Variants in FAM168A observed in about 807,000 individuals in gnomAD.
The protein encoded by FAM168A is family with sequence similarity 168 member A, also known as protein FAM168A.
A neutral mutation model predicts 28.5 loss-of-function variants in FAM168A; 3 were observed. The ratio of observed to expected loss-of-function variants is 0.11; its 90% CI spans 0.05 to 0.27. The LOEUF is 0.27. Among genes scored for constraint, FAM168A ranks in the 10% least tolerant of loss-of-function variants. The pLI, the probability that FAM168A is intolerant of heterozygous loss-of-function variation, is 1.00. For synonymous variants in FAM168A, 122 were observed against 124.2 expected, an observed-to-expected ratio of 0.98 and a Z score of 0.12; for missense variants, 222 against 311.5, an observed-to-expected ratio of 0.71 and a Z score of 2.16.
At chr11:73,481,275 A>T (rs1169884607) in intron 1 of FAM168A, among the ~76,000 whole-genome samples, 1 of 152,098 alleles carries the variant, frequency 6.6e-6, no homozygotes, top group East Asian at 1.9e-4. Context: ...TTTCTCTGGG[A>T]TGTTTCTGTA....
Position 73,575,867 on chromosome 11 carries a change from C to CA in FAM168A, c.-19+22055dup, listed in dbSNP as rs11292947. On this transcript the variant is annotated intron_variant, in intron 1 of 7. Transcript: ENST00000356467. ...CTGAGCAACAAGAGTCAAACTATGT[C>CA]AAAAAAAAAAAAATTAGACATAATG... is the stretch of plus-strand genomic sequence containing the variant. Among the ~76,000 whole-genome samples the CA allele has an allele frequency of 1.7e-3, 245 of 141,808 alleles. 1 individual carries two copies. Among genetic ancestry groups the CA allele is most frequent in the East Asian group, 4.5e-3 (22 of 4,898 alleles). The allele number at this position is 141,808 out of a possible 152,430, so 93.0% of individuals were successfully genotyped here. A position where few individuals can be genotyped will look rare whatever the true frequency, so the allele number is the denominator to read the frequency against.
rs1424282139 is a variant in FAM168A at position 73,430,372 on chromosome 11, A to C, written c.151+318T>G. 6 of 323,714 alleles carry C rather than the reference A, an allele frequency of 1.9e-5. No homozygotes were observed. In the East Asian group the frequency reaches 5.4e-4, roughly 29 times the overall value. 20.1% of individuals were successfully genotyped at this position (323,714 alleles called of 1,614,324 possible). Reference sequence around the variant, plus strand: ...TGTCCCAATGGCAGCCTCAGGGAAAACTGAGCAAAGAATGAATTTGGACAT... The same window carrying C: ...TGTCCCAATGGCAGCCTCAGGGAAACCTGAGCAAAGAATGAATTTGGACAT... On this transcript the variant is annotated intron_variant, in intron 3 of 7. Coordinates refer to ENST00000356467, the MANE Select transcript of FAM168A (RefSeq NM_015159.3).
intron 1 of FAM168A, among the ~76,000 whole-genome samples, chr11:73,495,459 G>A (rs1854852843): frequency 6.6e-6 from 1 of 152,192 alleles, no homozygotes. Flanking sequence ...CATCACCACT[G>A]CTGGCCCACT....
At chr11:73,419,222 A>G (rs541779037) in intron 4 of FAM168A, among the ~76,000 whole-genome samples, 1 of 152,314 alleles carries the variant, frequency 6.6e-6, no homozygotes, top group East Asian at 1.9e-4. Context: ...CTCAGGATGA[A>G]TATGACCAGT....
At chr11:73,410,608 C>G (rs1866591782) in intron 5 of FAM168A, 1 of 151,840 alleles carries the variant, frequency 6.6e-6, no homozygotes, top group African/African-American at 2.4e-5. Context: ...AAACAGGAGC[C>G]CCTGAGATCA....
At chr11:73,418,984 G>A (rs1866744106) in intron 4 of FAM168A, among the ~76,000 whole-genome samples, 1 of 151,884 alleles carries the variant, frequency 6.6e-6, no homozygotes, top group Non-Finnish European at 1.5e-5. Flanking sequence ...AATTTTTTTT[G>A]TATTTTTAGT....
intron 1 of FAM168A, among the ~76,000 whole-genome samples, chr11:73,481,998 A>C (rs1228469041): frequency 1.3e-5 from 2 of 152,138 alleles, no homozygotes; most frequent in Non-Finnish European, 1.5e-5. Context: ...TCTGGAGGAC[A>C]CAGCATTCAA....
Position 73,401,601 on chromosome 11 carries a change from C to T in FAM168A, c.*5162G>A, listed in dbSNP as rs1866412695. On this transcript the variant is annotated 3_prime_UTR_variant, in exon 8 of 8. Transcript: ENST00000356467. Reference sequence around the variant, plus strand: ...TTGCAAAGCTGTTACATCTGTTCTCCTTAGGAAGGAAAATCCCCCTGCTAT... The same window carrying T: ...TTGCAAAGCTGTTACATCTGTTCTCTTTAGGAAGGAAAATCCCCCTGCTAT... 1 of 152,228 alleles carries T rather than the reference C, an allele frequency of 6.6e-6. No individual in the cohort carries two copies. Among genetic ancestry groups the T allele is most frequent in the Admixed American group, 6.5e-5 (1 of 15,276 alleles). 9.4% of individuals were successfully genotyped at this position (152,228 alleles called of 1,614,324 possible).
chr11:73,584,929 C>G (rs920355315), intron 1 of FAM168A, among the ~76,000 whole-genome samples: 3 of 151,732 alleles, frequency 2.0e-5, no homozygotes, highest in Admixed American at 6.6e-5. Flanking sequence ...TTGAGGCCAA[C>G]AGTTCAAGAC....
chr11:73,402,819 A>C lies in FAM168A; in HGVS notation c.*3944T>G, dbSNP rs1270479453. ...AAATTCTCATCCTCCTTGTGCTGCC[A>C]GTTAGATGTGCCTCTGGGTCCCTCC... On this transcript the variant is annotated 3_prime_UTR_variant, in exon 8 of 8. Coordinates refer to ENST00000356467, the MANE Select transcript of FAM168A (RefSeq NM_015159.3). The C allele has an allele frequency of 6.6e-6, 1 of 152,208 alleles. No homozygotes were observed. The highest frequency in any genetic ancestry group is 2.4e-5 in the African/African-American group (1 of 41,446). 9.4% of individuals were successfully genotyped at this position (152,208 alleles called of 1,614,324 possible).
intron 2 of FAM168A, among the ~76,000 whole-genome samples, chr11:73,432,187 C>T (rs560931326): frequency 3.3e-5 from 5 of 152,276 alleles, no homozygotes; most frequent in Middle Eastern, 6.8e-3. Context: ...GAGGGACGCC[C>T]AGGTTGTTTC....
intron 1 of FAM168A, among the ~76,000 whole-genome samples, chr11:73,484,682 C>T (rs1206460215): frequency 1.6e-5 from 2 of 128,842 alleles, no homozygotes; most frequent in Admixed American, 1.6e-4. Context: ...ATATGTATCG[C>T]TATAGATATA....
intron 1 of FAM168A, among the ~76,000 whole-genome samples, chr11:73,493,630 C>A (rs896479142): frequency 1.3e-5 from 2 of 152,108 alleles, no homozygotes; most frequent in African/African-American, 4.8e-5. Context: ...GTTGCCCAGG[C>A]GGTCTCAAAC....
At chr11:73,525,903 C>T (rs1943440245) in intron 1 of FAM168A, among the ~76,000 whole-genome samples, 1 of 152,126 alleles carries the variant, frequency 6.6e-6, no homozygotes, top group African/African-American at 2.4e-5. Context: ...TAATTGCAAG[C>T]CCCCTCATGA....
chr11:73,447,676 T>C (rs1867345892), intron 2 of FAM168A, among the ~76,000 whole-genome samples: 1 of 152,120 alleles, frequency 6.6e-6, no homozygotes, highest in South Asian at 2.1e-4. Context: ...GAGTTTCTGC[T>C]TGGGCTCTCA....
chr11:73,476,547 T>C (rs1867891384), intron 1 of FAM168A, among the ~76,000 whole-genome samples: 1 of 152,046 alleles, frequency 6.6e-6, no homozygotes, highest in South Asian at 2.1e-4. Flanking sequence ...GACAAAATCA[T>C]GAAACACGCA....
chr11:73,478,429 A>G (rs1867922082), intron 1 of FAM168A, among the ~76,000 whole-genome samples: 1 of 152,182 alleles, frequency 6.6e-6, no homozygotes, highest in African/African-American at 2.4e-5. Flanking sequence ...TGTACAGGCA[A>G]ACAGTAGATT....
intron 4 of FAM168A, among the ~76,000 whole-genome samples, chr11:73,416,397 A>T (rs1372743244): frequency 6.6e-6 from 1 of 152,168 alleles, no homozygotes; most frequent in African/African-American, 2.4e-5. Context: ...TGATCATCAG[A>T]TTTATATGTC....
At chr11:73,561,975 C>T (rs1943964160) in intron 1 of FAM168A, among the ~76,000 whole-genome samples, 1 of 151,974 alleles carries the variant, frequency 6.6e-6, no homozygotes, top group African/African-American at 2.4e-5. Flanking sequence ...CTGAGTCTCA[C>T]TCTGTAGCCC....
Sources: allele counts gnomAD v4.1 joint callset (sites outside exome capture counted in the v4.1 genomes callset), GRCh38; gene constraint gnomAD v4.1.1; transcripts MANE v1.5; gene names NCBI Gene and HGNC (gene_info 2026-07-23, HGNC 2026-07-21).